The following MTF2 variants were observed in gnomAD, a reference collection of about 807,000 sequenced individuals.
MTF2 encodes metal response element binding transcription factor 2, also known as metal-response element-binding transcription factor 2.
MTF2 carries 11 observed loss-of-function variants against 79.5 expected under a neutral mutation model. That is an observed-to-expected ratio of 0.14 (90% CI 0.09 to 0.23). The LOEUF (loss-of-function observed/expected upper bound fraction) is 0.23, where lower values mean the gene tolerates loss of function less well. Ranked by LOEUF, MTF2 falls within the 10% of genes least tolerant of loss-of-function variation. The pLI is 1.00. For synonymous variants in MTF2, 208 were observed against 232.8 expected, an observed-to-expected ratio of 0.89 and a Z score of 0.97; for missense variants, 486 against 711.2, an observed-to-expected ratio of 0.68 and a Z score of 3.60.
chr1:93,127,378 G>T, intron 10 of MTF2, 79 bp downstream of exon 10: 1 of 938,800 alleles, frequency 1.1e-6, no homozygotes, highest in Non-Finnish European at 1.7e-6. Context: ...TTTAAGAATT[G>T]TGGGATTGAT....
chr1:93,113,969 G>C (rs1029229730), intron 3 of MTF2, among the ~76,000 whole-genome samples: 6 of 151,488 alleles, frequency 4.0e-5, no homozygotes, highest in Admixed American at 2.0e-4. Context: ...ATGATAATGT[G>C]TTAGGGTGGT....
intron 3 of MTF2, among the ~76,000 whole-genome samples, chr1:93,114,211 A>G (rs904603737): frequency 2.0e-5 from 3 of 152,228 alleles, no homozygotes; most frequent in Non-Finnish European, 4.4e-5. Flanking sequence ...GTAAAAGGAA[A>G]TGCTCTGAAT....
At position 93,125,302 on chromosome 1, in the gene MTF2, G is replaced by GT. The variant is rs747981072; in HGVS notation, c.922-1909dup. Among the ~76,000 whole-genome samples, 436 of 75,562 alleles carry GT rather than the reference G, an allele frequency of 5.8e-3. 4 individuals are homozygous for GT. Among genetic ancestry groups the GT allele is most frequent in the East Asian group, 0.054 (61 of 1,120 alleles). The allele number at this position is 75,562 out of a possible 152,430, so 49.6% of individuals were successfully genotyped here. A position where few individuals can be genotyped will look rare whatever the true frequency, so the allele number is the denominator to read the frequency against. On this transcript the variant is annotated intron_variant, in intron 9 of 14. Transcript: ENST00000370298. ...TGATTAGCAACGCTGGTTTGTCAGT[G>GT]TTTTTTTTTTTTTTTTTTTTTATGG...
At chr1:93,088,194 A>G (rs1654928305) in intron 1 of MTF2, among the ~76,000 whole-genome samples, 1 of 152,134 alleles carries the variant, frequency 6.6e-6, no homozygotes, top group Admixed American at 6.5e-5. Context: ...CCTTGCCTGA[A>G]TTGTTAGTGG....
chr1:93,118,512 G>C lies in MTF2; in HGVS notation c.728+72G>C. 2.8e-6 allele frequency: 3 copies of C among 1,083,072 alleles called. No individual in the cohort carries two copies. In the South Asian group the frequency reaches 5.1e-5, roughly 18 times the overall value. 67.1% of individuals were successfully genotyped at this position (1,083,072 alleles called of 1,614,324 possible). A position where few individuals can be genotyped will look rare whatever the true frequency, so the allele number is the denominator to read the frequency against. ...AATTGTGGTTATATTTGTGATTTCA[G>C]ATTTCCTAAAGATAGTTTCAACAGT... On this transcript the variant is annotated intron_variant, in intron 7 of 14. Coordinates refer to ENST00000370298, the MANE Select transcript of MTF2 (RefSeq NM_007358.4).
chr1:93,114,638 T>C (rs1358603977), intron 3 of MTF2, 50 bp from the exon 4 acceptor site: 1 of 1,460,792 alleles, frequency 6.8e-7, no homozygotes, highest in East Asian at 2.3e-5. Flanking sequence ...TGGTTTTGTT[T>C]TATGGAATTT....
intron 1 of MTF2, among the ~76,000 whole-genome samples, chr1:93,107,559 A>G (rs1473965298): frequency 6.6e-6 from 1 of 152,204 alleles, no homozygotes; most frequent in Non-Finnish European, 1.5e-5. Flanking sequence ...TAGAAATGGC[A>G]TAAGGCACTT....
At chr1:93,098,382 C>T (rs1249405957) in intron 1 of MTF2, among the ~76,000 whole-genome samples, 3 of 152,082 alleles carry the variant, frequency 2.0e-5, no homozygotes, top group Non-Finnish European at 2.9e-5. Context: ...TTGGTGTGCA[C>T]ACGTGTTTCT....
At chr1:93,133,569 A>G (rs1647230024) in intron 11 of MTF2, 134 bp from the exon 12 acceptor site, 1 of 360,680 alleles carries the variant, frequency 2.8e-6, no homozygotes, top group Non-Finnish European at 4.7e-6. Context: ...TTGTGGATTC[A>G]ACTAATATTT....
chr1:93,115,439 A>G (rs1176547665), intron 5 of MTF2, 31 bp from the exon 6 acceptor site: 4 of 1,484,712 alleles, frequency 2.7e-6, no homozygotes, highest in Middle Eastern at 1.8e-4. Flanking sequence ...TTTAGCCTTC[A>G]CTCTTTCACA....
At chr1:93,102,806 A>T (rs572927772) in intron 1 of MTF2, among the ~76,000 whole-genome samples, 4 of 151,774 alleles carry the variant, frequency 2.6e-5, no homozygotes, top group Admixed American at 6.6e-5. Context: ...GGATGGGGGG[A>T]TATGGGTATA....
In MTF2 at chr1:93,137,118, T is replaced by TAAA; in HGVS notation, c.*103_*105dup. 21 of 821,278 alleles carry TAAA rather than the reference T, an allele frequency of 2.6e-5. No homozygotes were observed. The highest frequency in any genetic ancestry group is 3.7e-5 in the African/African-American group (2 of 53,692). The allele number at this position is 821,278 out of a possible 1,614,324, so 50.9% of individuals were successfully genotyped here. ...GGAGTCTGGCTTTTACTATCTTTCT[T>TAAA]AAAAAAAAAAAAAAGTCAAAAAAAT... On this transcript the variant is annotated 3_prime_UTR_variant, in exon 15 of 15. Transcript: ENST00000370298.
intron 11 of MTF2, among the ~76,000 whole-genome samples, chr1:93,131,329 A>G (rs767686728): frequency 6.6e-6 from 1 of 152,198 alleles, no homozygotes; most frequent in Non-Finnish European, 1.5e-5. Context: ...ATTAAAATGA[A>G]AGAAAAATAT....
chr1:93,123,239 A>G (rs1656557583), intron 9 of MTF2, among the ~76,000 whole-genome samples: 1 of 139,524 alleles, frequency 7.2e-6, no homozygotes, highest in South Asian at 2.3e-4. Context: ...TTTAAGAGAC[A>G]GGACAGGAGA....
chr1:93,101,806 G>A (rs555126071), intron 1 of MTF2, among the ~76,000 whole-genome samples: 3 of 151,774 alleles, frequency 2.0e-5, no homozygotes, highest in Admixed American at 2.0e-4. Context: ...TTGAACTCCT[G>A]GCCTCAAGCA....
chr1:93,120,396 AT>A, intron 8 of MTF2, 152 bp from the exon 9 acceptor site: 2 of 538,214 alleles, frequency 3.7e-6, no homozygotes, highest in South Asian at 7.2e-5. Flanking sequence ...TTTTCTAGTT[AT>A]TTTTATGTGT....
intron 1 of MTF2, among the ~76,000 whole-genome samples, chr1:93,082,226 T>C (rs1654635602): frequency 6.6e-6 from 1 of 151,734 alleles, no homozygotes; most frequent in Admixed American, 6.6e-5. Context: ...ATTTCAAACA[T>C]AATACAAAGT....
chr1:93,080,061 G>A (rs964109585), intron 1 of MTF2, among the ~76,000 whole-genome samples: 4 of 152,054 alleles, frequency 2.6e-5, no homozygotes, highest in Non-Finnish European at 4.4e-5. Context: ...GTAAGGATAA[G>A]GGGAACACAC....
intron 14 of MTF2, among the ~76,000 whole-genome samples, chr1:93,134,929 T>C (rs1028265077): frequency 1.3e-5 from 2 of 152,060 alleles, no homozygotes; most frequent in Non-Finnish European, 2.9e-5. Flanking sequence ...CCCTCTGATA[T>C]CTTATTTAAT....
Sources: gnomAD v4.1 joint callset for allele counts (sites outside exome capture counted in the v4.1 genomes callset) on GRCh38, gnomAD v4.1.1 for gene constraint, MANE v1.5 for transcripts, NCBI Gene and HGNC (gene_info 2026-07-23, HGNC 2026-07-21) for gene names.